The following NTNG2 variants were observed in gnomAD, a reference collection of about 807,000 sequenced individuals.
NTNG2 encodes netrin-G2.
NTNG2 carries 15 observed loss-of-function variants against 47.6 expected under a neutral mutation model. The ratio of observed to expected loss-of-function variants is 0.32; its 90% confidence interval spans 0.21 to 0.49. NTNG2 has a LOEUF of 0.49. Among genes scored for constraint, NTNG2 ranks in the 20% least tolerant of loss-of-function variants. NTNG2 has a pLI of 0.99. For missense variants in NTNG2, 578 were observed against 764.6 expected (o/e 0.76, Z 2.88); for synonymous variants, 307 against 324.6 (o/e 0.95, Z 0.58).
chr9:132,228,458 C>G (rs1446055567), intron 4 of NTNG2, among the ~76,000 whole-genome samples: 1 of 152,192 alleles, frequency 6.6e-6, no homozygotes, highest in Admixed American at 6.5e-5. Context: ...GTGGCCGTCA[C>G]TCTCTCCCTG....
chr9:132,225,239 TTTTGTTTTTGTTTTG>T (rs992678549), intron 3 of NTNG2, among the ~76,000 whole-genome samples: 28 of 151,486 alleles, frequency 1.8e-4, no homozygotes, highest in African/African-American at 4.4e-4. Flanking sequence ...CTTGTTTTGT[TTTTGTTTTTGTTTTG>T]TTTGTTTTTG....
In NTNG2 at chr9:132,215,077, TGG is replaced by T. The variant is rs34275041; in HGVS notation, c.858-11762_858-11761del. On this transcript the variant is annotated intron_variant, in intron 3 of 7. Coordinates refer to ENST00000393229, the MANE Select transcript of NTNG2 (RefSeq NM_032536.4). The surrounding 1 kb of genome is among the most constrained non-coding windows in gnomAD (Gnocchi z 4.2). Reference sequence around the variant, plus strand: ...TTTTTTTTAATTTTTTTGTAGAGATTGGGGGGGGGGGTCTCACTTTCTTGCCC... The same window carrying T: ...TTTTTTTTAATTTTTTTGTAGAGATTGGGGGGGGGTCTCACTTTCTTGCCC... Among the ~76,000 whole-genome samples the T allele has an allele frequency of 0.53, 74,335 of 139,676 alleles. 19,245 individuals carry two copies. Among genetic ancestry groups the T allele is most frequent in the South Asian group, 0.59 (2,546 of 4,328 alleles). The allele number at this position is 139,676 out of a possible 152,430, so 91.6% of individuals were successfully genotyped here. A position where few individuals can be genotyped will look rare whatever the true frequency, so the allele number is the denominator to read the frequency against.
intron 3 of NTNG2, among the ~76,000 whole-genome samples, chr9:132,205,536 G>C (rs1007701507): frequency 6.6e-6 from 1 of 152,206 alleles, no homozygotes; most frequent in African/African-American, 2.4e-5. Flanking sequence ...GATGGTAACG[G>C]TGCTTGCACA....
intron 3 of NTNG2, among the ~76,000 whole-genome samples, chr9:132,202,980 A>G (rs1049873596): frequency 1.5e-4 from 23 of 152,122 alleles, no homozygotes; most frequent in Admixed American, 7.2e-4. Flanking sequence ...AGTCGATGAA[A>G]TGCTATATTC....
chr9:132,198,509 C>G lies in NTNG2; in HGVS notation c.757C>G (p.Arg253Gly). The G allele has an allele frequency of 6.2e-7, 1 of 1,613,130 alleles. No homozygotes were observed. The highest frequency in any genetic ancestry group is 8.5e-7 in the Non-Finnish European group (1 of 1,180,006). ...LKEFFTLTDL[R>G]MRLLRPALGG... ...GGAGTTCTTCACCCTCACCGACCTG[C>G]GCATGCGGCTGCTGCGCCCGGCGCT... The change falls in exon 3 of 8, where the codon CGC becomes GGC. Residue 253 changes from arginine (R) to glycine (G), a missense_variant. Physicochemically the swap from Arg to Gly is moderately radical, Grantham distance 125 (BLOSUM62 -2). Transcript: ENST00000393229.
In NTNG2 at chr9:132,208,928, G is replaced by A. The variant is rs957491503; in HGVS notation, c.857+10319G>A. Among the ~76,000 whole-genome samples the A allele has an allele frequency of 1.3e-5, 2 of 152,076 alleles. No homozygotes were observed. Among genetic ancestry groups the A allele is most frequent in the African/African-American group, 4.8e-5 (2 of 41,418 alleles). On this transcript the variant is annotated intron_variant, in intron 3 of 7. Transcript: ENST00000393229. This position sits in a 1 kb window ranked among gnomAD's most constrained non-coding sequence, Gnocchi z 4.0. ...GCTCCCTGAAAATCTGCTGTAAGTG[G>A]AGTCGTGCGGCAGGTGGCTTTTTCA...
intron 3 of NTNG2, among the ~76,000 whole-genome samples, chr9:132,203,316 G>A (rs1485754859): frequency 1.3e-5 from 2 of 151,918 alleles, no homozygotes; most frequent in Non-Finnish European, 2.9e-5. Context: ...CTCCAGCCTG[G>A]GTGACAGAGA....
intron 2 of NTNG2, among the ~76,000 whole-genome samples, chr9:132,168,287 G>A (rs1835644352): frequency 6.6e-6 from 1 of 152,248 alleles, no homozygotes; most frequent in Non-Finnish European, 1.5e-5. Flanking sequence ...CAGCCAGGCT[G>A]CAGAAGCTCA....
intron 3 of NTNG2, among the ~76,000 whole-genome samples, chr9:132,205,582 C>T (rs1477213964): frequency 2.0e-5 from 3 of 152,138 alleles, no homozygotes; most frequent in South Asian, 4.1e-4. Flanking sequence ...AGACTGTACA[C>T]TTAACAATGG....
rs183753318 is a variant in NTNG2, at chr9:132,215,453, G to A, written c.858-11396G>A. On this transcript the variant is annotated intron_variant, in intron 3 of 7. Coordinates refer to ENST00000393229, the MANE Select transcript of NTNG2 (RefSeq NM_032536.4). This position sits in a 1 kb window ranked among gnomAD's most constrained non-coding sequence, Gnocchi z 4.2. ...AAATTAGCCGGGTGTGGTGGCGGGC[G>A]CCTGTAATCCCAGCTACTCGGGAGG... Among the ~76,000 whole-genome samples, 3 of 149,738 alleles carry A rather than the reference G, an allele frequency of 2.0e-5. No individual in the cohort carries two copies. Among genetic ancestry groups the A allele is most frequent in the Non-Finnish European group, 1.5e-5 (1 of 67,588 alleles).
At chr9:132,196,540 C>A (rs781146788) in intron 2 of NTNG2, among the ~76,000 whole-genome samples, 4 of 152,180 alleles carry the variant, frequency 2.6e-5, no homozygotes, top group Non-Finnish European at 5.9e-5. Context: ...TCCACCACTG[C>A]AGTATTATAC....
At position 132,197,886 on chromosome 9, in the gene NTNG2, G is replaced by A. The variant is rs1838431325; in HGVS notation, c.214-80G>A. The A allele has an allele frequency of 1.4e-6, 2 of 1,398,908 alleles. No individual in the cohort carries two copies. Among genetic ancestry groups the A allele is most frequent in the South Asian group, 1.4e-5 (1 of 71,466 alleles). The allele number at this position is 1,398,908 out of a possible 1,614,324, so 86.7% of individuals were successfully genotyped here. Reference sequence around the variant, plus strand: ...GAGCAGGTTTCTCGGTTCGCAGGCAGGGGCTAGGCCGCGCAGAGGCTTCCC... The same window carrying A: ...GAGCAGGTTTCTCGGTTCGCAGGCAAGGGCTAGGCCGCGCAGAGGCTTCCC... On this transcript the variant is annotated intron_variant, in intron 2 of 7. Coordinates refer to ENST00000393229, the MANE Select transcript of NTNG2 (RefSeq NM_032536.4). This position sits in a 1 kb window ranked among gnomAD's most constrained non-coding sequence, Gnocchi z 4.3.
At chr9:132,207,002 C>A (rs1405511353) in intron 3 of NTNG2, among the ~76,000 whole-genome samples, 1 of 152,230 alleles carries the variant, frequency 6.6e-6, no homozygotes, top group Non-Finnish European at 1.5e-5. Context: ...GCAGGAGGGG[C>A]ATCTCGGCCT....
At chr9:132,178,961 CA>C (rs33967810) in intron 2 of NTNG2, among the ~76,000 whole-genome samples, 24,891 of 81,892 alleles carry the variant, frequency 0.3, 2,498 homozygotes, top group African/African-American at 0.41. Context: ...GACTCGGTCT[CA>C]AAAAAAAAAA....
intron 5 of NTNG2, among the ~76,000 whole-genome samples, chr9:132,238,779 A>T (rs1423619368): frequency 6.6e-6 from 1 of 152,220 alleles, no homozygotes; most frequent in Non-Finnish European, 1.5e-5. Flanking sequence ...GCATGTGGGC[A>T]TCCTTCAGCG....
intron 1 of NTNG2, among the ~76,000 whole-genome samples, chr9:132,164,888 G>T (rs1044958838): frequency 3.9e-5 from 6 of 152,210 alleles, no homozygotes; most frequent in African/African-American, 1.4e-4. Context: ...GGTGCTCAGG[G>T]CGCTCAGGGC....
At chr9:132,185,049 T>C (rs1837251868) in intron 2 of NTNG2, among the ~76,000 whole-genome samples, 1 of 149,590 alleles carries the variant, frequency 6.7e-6, no homozygotes, top group African/African-American at 2.5e-5. Flanking sequence ...AAGGGAAGGG[T>C]GTCTGGCTGC....
chr9:132,238,698 G>A (rs1438318580), intron 5 of NTNG2, among the ~76,000 whole-genome samples: 2 of 152,200 alleles, frequency 1.3e-5, no homozygotes, highest in African/African-American at 4.8e-5. Context: ...CCCAGGCGTC[G>A]CCCTCCCCCA....
At position 132,164,318 on chromosome 9, in the gene NTNG2, C is replaced by T. The variant is rs896376124; in HGVS notation, c.-483-2031C>T. On this transcript the variant is annotated intron_variant, in intron 1 of 7. Transcript: ENST00000393229. ...GCGCCGCGCGCGCCGCTCGCCCCAG[C>T]CTCCCGGCCTCCGGGCCTCGCTGCC... Among the ~76,000 whole-genome samples, 85 of 152,240 alleles carry T rather than the reference C, an allele frequency of 5.6e-4. 1 individual carries two copies. The highest frequency in any genetic ancestry group is 2.0e-3 in the African/African-American group (83 of 41,558).
Sources: gnomAD v4.1 joint callset for allele counts (sites outside exome capture counted in the v4.1 genomes callset) on GRCh38, gnomAD v4.1.1 for gene constraint, Gnocchi (gnomAD v3.1) non-coding constraint, MANE v1.5 for transcripts, NCBI Gene and HGNC (gene_info 2026-07-23, HGNC 2026-07-21) for gene names.